WDFY1: variants seen among roughly 807,000 people sequenced by gnomAD.
The protein encoded by WDFY1 is WD repeat and FYVE domain-containing protein 1.
WDFY1 carries 32 observed loss-of-function variants against 56.4 expected under a neutral mutation model. That is an observed-to-expected ratio of 0.57 (90% CI 0.43 to 0.76). The LOEUF is 0.76. WDFY1 is among the 30% of genes least tolerant of loss of function. WDFY1 has a pLI of 0.00. For missense variants in WDFY1, 480 were observed against 545.7 expected (o/e 0.88, Z 1.20); for synonymous variants, 192 against 197.3 (o/e 0.97, Z 0.23).
In WDFY1 at chr2:223,934,482, T is replaced by C. The variant is rs772150675; in HGVS notation, c.137+10666A>G. ...CAAACTAACACTTGAGACATTACTA[T>C]AAGCTTTACACTGTTTTTCATGTTA... On this transcript the variant is annotated intron_variant, in intron 1 of 11. Transcript: ENST00000233055. Among the ~76,000 whole-genome samples the C allele has an allele frequency of 3.3e-5, 5 of 152,216 alleles. 1 individual carries two copies. Among genetic ancestry groups the C allele is most frequent in the Non-Finnish European group, 7.3e-5 (5 of 68,044 alleles).
intron 10 of WDFY1, among the ~76,000 whole-genome samples, chr2:223,880,737 T>C (rs189911240): frequency 9.7e-4 from 145 of 150,096 alleles, no homozygotes; most frequent in African/African-American, 3.3e-3. Context: ...AATCACAAGA[T>C]TGTTTTATAA....
rs574051664 is a variant in WDFY1 at position 223,909,077 on chromosome 2, C to G, written c.280-3076G>C. 2.0e-5 allele frequency among the ~76,000 whole-genome samples: 3 copies of G among 152,284 alleles called. No individual in the cohort carries two copies. In the South Asian group the frequency reaches 6.2e-4, roughly 32 times the overall value. ...TGAGCTCACAAAAACCAGAAACCTGCTCCTGCTCCTCAGAGGTTTTAGCAA... is the reference window on the plus strand; with the variant it reads ...TGAGCTCACAAAAACCAGAAACCTGGTCCTGCTCCTCAGAGGTTTTAGCAA... On this transcript the variant is annotated intron_variant, in intron 3 of 11. Coordinates refer to ENST00000233055, the MANE Select transcript of WDFY1 (RefSeq NM_020830.5).
chr2:223,914,429 T>C (rs1170426015), intron 2 of WDFY1, among the ~76,000 whole-genome samples: 1 of 152,194 alleles, frequency 6.6e-6, no homozygotes, highest in Non-Finnish European at 1.5e-5. Context: ...CTTTGGAACA[T>C]AAACCCTTTC....
chr2:223,911,897 G>C (rs1454247311), intron 3 of WDFY1, among the ~76,000 whole-genome samples: 1 of 151,282 alleles, frequency 6.6e-6, no homozygotes, highest in East Asian at 1.9e-4. Context: ...CTAGCTGTCA[G>C]CCTTGACCTC....
intron 8 of WDFY1, among the ~76,000 whole-genome samples, chr2:223,889,282 C>T (rs1693228107): frequency 6.6e-6 from 1 of 152,160 alleles, no homozygotes; most frequent in South Asian, 2.1e-4. Context: ...GTCTAGGAGT[C>T]AGATCTCTTG....
chr2:223,928,712 G>A (rs1275882586), intron 1 of WDFY1, among the ~76,000 whole-genome samples: 1 of 152,172 alleles, frequency 6.6e-6, no homozygotes, highest in South Asian at 2.1e-4. Context: ...CAAATATAGT[G>A]GCACAACTTT....
chr2:223,887,155 T>C (rs1693186332), intron 8 of WDFY1, among the ~76,000 whole-genome samples: 1 of 152,218 alleles, frequency 6.6e-6, no homozygotes, highest in Non-Finnish European at 1.5e-5. Flanking sequence ...GTTTCTGTGA[T>C]CAATGCAAGG....
intron 1 of WDFY1, among the ~76,000 whole-genome samples, chr2:223,939,340 A>G (rs1222968448): frequency 6.6e-6 from 1 of 152,176 alleles, no homozygotes; most frequent in Non-Finnish European, 1.5e-5. Context: ...GTTTCTCAAT[A>G]TCAGCACTAT....
At chr2:223,879,105 T>G (rs540870544) in intron 11 of WDFY1, among the ~76,000 whole-genome samples, 405 of 152,286 alleles carry the variant, frequency 2.7e-3, no homozygotes, top group South Asian at 5.2e-3. Context: ...GAGGATCACC[T>G]GAGCCCAGAA....
chr2:223,891,034 T>C (rs937847943), intron 8 of WDFY1, among the ~76,000 whole-genome samples: 3 of 152,068 alleles, frequency 2.0e-5, no homozygotes, highest in African/African-American at 7.2e-5. Flanking sequence ...ATTGCAGAGC[T>C]AGAGGATCTG....
chr2:223,906,982 T>A (rs1036688116), intron 3 of WDFY1, among the ~76,000 whole-genome samples: 75 of 149,554 alleles, frequency 5.0e-4, no homozygotes, highest in Middle Eastern at 7.1e-3. Context: ...TTATTATTAT[T>A]ATATTATTTT....
chr2:223,939,661 A>AGACTT (rs1432725187), intron 1 of WDFY1, among the ~76,000 whole-genome samples: 1 of 152,188 alleles, frequency 6.6e-6, no homozygotes, highest in East Asian at 1.9e-4. Flanking sequence ...AGATCTCCTG[A>AGACTT]GACTTACTCA....
At chr2:223,925,294 T>A (rs1275912450) in intron 1 of WDFY1, among the ~76,000 whole-genome samples, 1 of 151,478 alleles carries the variant, frequency 6.6e-6, no homozygotes, top group Admixed American at 6.6e-5. Context: ...ATAAAGCAAA[T>A]GTCGCAACAA....
At chr2:223,943,062 T>C (rs984945364) in intron 1 of WDFY1, among the ~76,000 whole-genome samples, 2 of 151,054 alleles carry the variant, frequency 1.3e-5, no homozygotes, top group African/African-American at 4.9e-5. Flanking sequence ...GCGCCTATAG[T>C]CCCAGCTACT....
intron 1 of WDFY1, among the ~76,000 whole-genome samples, chr2:223,939,503 A>G (rs1689260663): frequency 6.6e-6 from 1 of 152,234 alleles, no homozygotes; most frequent in Non-Finnish European, 1.5e-5. Flanking sequence ...AGGTAATTAT[A>G]AACAAAATGA....
intron 1 of WDFY1, among the ~76,000 whole-genome samples, chr2:223,942,526 A>ATTTTTTT (rs1559178420): frequency 1.3e-5 from 1 of 78,770 alleles, no homozygotes; most frequent in Non-Finnish European, 2.4e-5. Flanking sequence ...CCAAAGGCTA[A>ATTTTTTT]CTTTTTTTTT....
intron 1 of WDFY1, among the ~76,000 whole-genome samples, chr2:223,929,318 G>A (rs1438640231): frequency 6.6e-6 from 1 of 151,662 alleles, no homozygotes; most frequent in African/African-American, 2.4e-5. Flanking sequence ...CCCGCTAGTA[G>A]CTGGGATTAC....
intron 8 of WDFY1, among the ~76,000 whole-genome samples, chr2:223,889,223 G>GTCATAGCAAGTGGT (rs1044719458): frequency 1.3e-5 from 2 of 151,998 alleles, no homozygotes; most frequent in South Asian, 2.1e-4. Flanking sequence ...ATTTCTAATA[G>GTCATAGCAAGTGGT]TCATAGCAAG....
intron 8 of WDFY1, among the ~76,000 whole-genome samples, chr2:223,892,334 C>T (rs1275776586): frequency 6.6e-6 from 1 of 152,118 alleles, no homozygotes; most frequent in Non-Finnish European, 1.5e-5. Flanking sequence ...CTAAGCCTTA[C>T]CAAATAATTT....
Sources: allele counts gnomAD v4.1 joint callset (sites outside exome capture counted in the v4.1 genomes callset), GRCh38; gene constraint gnomAD v4.1.1; transcripts MANE v1.5; gene names NCBI Gene and HGNC (gene_info 2026-07-23, HGNC 2026-07-21).